The following PRDM16 variants were observed in gnomAD, a reference collection of about 807,000 sequenced individuals.
PRDM16 encodes PR/SET domain 16.
PRDM16 carries 23 observed loss-of-function variants against 110.6 expected under a neutral mutation model. That is an observed-to-expected ratio of 0.21 (90% confidence interval 0.15 to 0.29). The LOEUF (loss-of-function observed/expected upper bound fraction) is 0.29, where lower values mean the gene tolerates loss of function less well. PRDM16 is among the 10% of genes least tolerant of loss of function. PRDM16 has a pLI of 1.00. For missense variants in PRDM16, 1,615 were observed against 1,794.3 expected (o/e 0.90, Z 1.81); for synonymous variants, 799 against 781.8 (o/e 1.02, Z -0.37).
chr1:3,147,114 G>A (rs995036577), intron 1 of PRDM16, among the ~76,000 whole-genome samples: 2 of 149,720 alleles, frequency 1.3e-5, no homozygotes, highest in African/African-American at 5.0e-5. Flanking sequence ...GTACGCGTGT[G>A]CTCGGTATGG....
At chr1:3,196,463 A>T (rs758467832) in intron 2 of PRDM16, among the ~76,000 whole-genome samples, 3 of 152,234 alleles carry the variant, frequency 2.0e-5, no homozygotes, top group Non-Finnish European at 4.4e-5. Context: ...ATGTAGACCC[A>T]TGGGCCCTTG....
chr1:3,223,270 G>A (rs934059744), intron 2 of PRDM16, among the ~76,000 whole-genome samples: 2 of 152,028 alleles, frequency 1.3e-5, no homozygotes, highest in South Asian at 2.1e-4. Context: ...ACTAGGGCGC[G>A]GCTCATCGCA....
chr1:3,114,187 A>ACACACG (rs1237837339), intron 1 of PRDM16, among the ~76,000 whole-genome samples: 1 of 96,454 alleles, frequency 1.0e-5, no homozygotes, highest in African/African-American at 4.9e-5. Context: ...ACACACACGC[A>ACACACG]CACACGCACA....
chr1:3,092,480 C>T (rs771821957), intron 1 of PRDM16, among the ~76,000 whole-genome samples: 17 of 148,760 alleles, frequency 1.1e-4, no homozygotes, highest in Admixed American at 5.5e-4. Context: ...GGCATTGTGA[C>T]CATGGACATG....
intron 12 of PRDM16, among the ~76,000 whole-genome samples, chr1:3,423,201 G>C (rs757812671): frequency 6.6e-6 from 1 of 152,160 alleles, no homozygotes; most frequent in Non-Finnish European, 1.5e-5. Context: ...ACTGCCTCCC[G>C]TTCTCTAGGG....
intron 3 of PRDM16, among the ~76,000 whole-genome samples, chr1:3,284,047 G>A (rs921094566): frequency 1.3e-5 from 2 of 152,200 alleles, no homozygotes; most frequent in South Asian, 4.1e-4. Context: ...GCGGGCCTGG[G>A]GGGGCCTGGA....
At chr1:3,151,559 T>C (rs912910688) in intron 1 of PRDM16, among the ~76,000 whole-genome samples, 1 of 151,702 alleles carries the variant, frequency 6.6e-6, no homozygotes, top group African/African-American at 2.4e-5. Flanking sequence ...AAAGCAGAGG[T>C]GAGATTTACC....
At chr1:3,194,276 T>C (rs1161767184) in intron 2 of PRDM16, among the ~76,000 whole-genome samples, 1 of 152,088 alleles carries the variant, frequency 6.6e-6, no homozygotes, top group Admixed American at 6.5e-5. Flanking sequence ...CCTGCAGAGG[T>C]GTTCACTGGT....
At chr1:3,160,063 C>T (rs1643886071) in intron 1 of PRDM16, among the ~76,000 whole-genome samples, 1 of 152,260 alleles carries the variant, frequency 6.6e-6, no homozygotes, top group Non-Finnish European at 1.5e-5. Context: ...GAGATTCACA[C>T]ACTCAGTGTC....
chr1:3,133,948 C>CA (rs1280349923), intron 1 of PRDM16, among the ~76,000 whole-genome samples: 3 of 152,248 alleles, frequency 2.0e-5, no homozygotes, highest in Non-Finnish European at 4.4e-5. Context: ...AGAGCAGCCC[C>CA]AAAGCACACA....
intron 1 of PRDM16, among the ~76,000 whole-genome samples, chr1:3,181,307 C>T (rs1644171279): frequency 7.8e-6 from 1 of 128,936 alleles, no homozygotes; most frequent in Non-Finnish European, 1.7e-5. Context: ...GTCTTACACA[C>T]GGTCTTACAC....
chr1:3,322,666 G>A (rs1641788400), intron 3 of PRDM16, among the ~76,000 whole-genome samples: 1 of 152,178 alleles, frequency 6.6e-6, no homozygotes, highest in African/African-American at 2.4e-5. Flanking sequence ...GGCCATGCTG[G>A]GGTCCTTAGA....
chr1:3,423,302 C>T (rs1486106677), intron 12 of PRDM16, among the ~76,000 whole-genome samples: 1 of 152,204 alleles, frequency 6.6e-6, no homozygotes. Flanking sequence ...CAGTTTCTCA[C>T]GGCCGCAGCC....
intron 1 of PRDM16, among the ~76,000 whole-genome samples, chr1:3,093,399 G>A (rs951318430): frequency 8.5e-5 from 13 of 152,200 alleles, no homozygotes; most frequent in African/African-American, 3.1e-4. Context: ...GGTGCAGCTG[G>A]GACTCGGTCA....
In PRDM16 at chr1:3,081,335, T is replaced by G. The variant is rs1179394808; in HGVS notation, c.37+12039T>G. ...CCAGAGGGTTTTAGGTTGCGTCCGC[T>G]CCTGACAGGTGACCCTTGTTCAAAG... On this transcript the variant is annotated intron_variant, in intron 1 of 16. Coordinates refer to ENST00000270722, the MANE Select transcript of PRDM16 (RefSeq NM_022114.4). The surrounding 1 kb of genome is among the most constrained non-coding windows in gnomAD (Gnocchi z 4.6). Among the ~76,000 whole-genome samples, 2 of 152,146 alleles carry G rather than the reference T, an allele frequency of 1.3e-5. No individual in the cohort carries two copies. Among genetic ancestry groups the G allele is most frequent in the African/African-American group, 4.8e-5 (2 of 41,434 alleles).
At position 3,211,455 on chromosome 1, in the gene PRDM16, C is replaced by T. The variant is rs137869511; in HGVS notation, c.387+24981C>T. Among the ~76,000 whole-genome samples, 386 of 152,296 alleles carry T rather than the reference C, an allele frequency of 2.5e-3. 1 individual carries two copies. Among genetic ancestry groups the T allele is most frequent in the African/African-American group, 8.6e-3 (357 of 41,552 alleles). ...GGCTTGATCTAGCTGGAGATGCGGCCGTGGGTGGACTCCTAAGAAAAGACT... is the reference window on the plus strand; with the variant it reads ...GGCTTGATCTAGCTGGAGATGCGGCTGTGGGTGGACTCCTAAGAAAAGACT... On this transcript the variant is annotated intron_variant, in intron 2 of 16. Transcript: ENST00000270722.
chr1:3,389,313 G>A (rs1397920843), intron 4 of PRDM16, among the ~76,000 whole-genome samples: 3 of 152,194 alleles, frequency 2.0e-5, no homozygotes, highest in African/African-American at 7.2e-5. Context: ...AGGCATGGAG[G>A]CCCCGACACC....
chr1:3,367,417 G>A (rs1369726620), intron 3 of PRDM16, among the ~76,000 whole-genome samples: 2 of 152,210 alleles, frequency 1.3e-5, no homozygotes, highest in Admixed American at 6.5e-5. Context: ...GTCTTGTCTG[G>A]CAGAGGAAAG....
intron 2 of PRDM16, among the ~76,000 whole-genome samples, chr1:3,211,236 C>T (rs1475572203): frequency 6.6e-6 from 1 of 152,242 alleles, no homozygotes; most frequent in Non-Finnish European, 1.5e-5. Context: ...CTGCGGTCAG[C>T]AGCCACCCTG....
Sources: allele counts gnomAD v4.1 joint callset (sites outside exome capture counted in the v4.1 genomes callset), GRCh38; gene constraint gnomAD v4.1.1; non-coding constraint Gnocchi (gnomAD v3.1); transcripts MANE v1.5; gene names NCBI Gene and HGNC (gene_info 2026-07-23, HGNC 2026-07-21).